Variants in SLC4A10 observed in about 807,000 individuals in gnomAD.
The protein encoded by SLC4A10 is sodium-driven chloride bicarbonate exchanger.
A neutral mutation model predicts 137.7 loss-of-function variants in SLC4A10; 42 were observed. The observed-to-expected ratio is 0.30, with a 90% CI of 0.24 to 0.39. SLC4A10 has a LOEUF of 0.39. SLC4A10 is among the 10% of genes least tolerant of loss of function. The pLI, the probability that SLC4A10 is intolerant of heterozygous loss-of-function variation, is 1.00. For synonymous variants in SLC4A10, 474 were observed against 464.1 expected (o/e 1.02, Z -0.27); for missense variants, 925 against 1,355.0 (o/e 0.68, Z 4.98).
chr2:161,956,658 T>C (rs1396813511), intron 19 of SLC4A10, among the ~76,000 whole-genome samples: 1 of 152,072 alleles, frequency 6.6e-6, no homozygotes, highest in Admixed American at 6.5e-5. Context: ...ACAGAGGAAA[T>C]AGAAAACAAA....
At chr2:161,776,246 G>A (rs1011918789) in intron 2 of SLC4A10, among the ~76,000 whole-genome samples, 12 of 151,762 alleles carry the variant, frequency 7.9e-5, no homozygotes, top group African/African-American at 2.9e-4. Flanking sequence ...ATTTTCATCA[G>A]TAATGCAAGT....
chr2:161,839,391 A>AT (rs1323466139), intron 3 of SLC4A10, among the ~76,000 whole-genome samples: 1 of 152,136 alleles, frequency 6.6e-6, no homozygotes, highest in Non-Finnish European at 1.5e-5. Flanking sequence ...GTATAAATGA[A>AT]TTTTATCATG....
intron 3 of SLC4A10, among the ~76,000 whole-genome samples, chr2:161,825,500 T>C (rs2057956012): frequency 6.6e-6 from 1 of 152,210 alleles, no homozygotes; most frequent in African/African-American, 2.4e-5. Flanking sequence ...CCCTAGGCAT[T>C]CAGTTATAAT....
At chr2:161,781,996 G>A (rs1225227887) in intron 2 of SLC4A10, among the ~76,000 whole-genome samples, 1 of 152,056 alleles carries the variant, frequency 6.6e-6, no homozygotes, top group Admixed American at 6.6e-5. Flanking sequence ...CAAAGGACTG[G>A]CTTCTGTCTT....
chr2:161,896,106 G>A (rs529344257), intron 11 of SLC4A10, among the ~76,000 whole-genome samples: 1 of 152,194 alleles, frequency 6.6e-6, no homozygotes, highest in South Asian at 2.1e-4. Context: ...TGTAAGGAAG[G>A]GATCCACTTT....
At chr2:161,823,386 T>C (rs2057776936) in intron 3 of SLC4A10, among the ~76,000 whole-genome samples, 1 of 152,228 alleles carries the variant, frequency 6.6e-6, no homozygotes, top group South Asian at 2.1e-4. Context: ...TTAAAACACC[T>C]TGTGATGCTA....
intron 1 of SLC4A10, among the ~76,000 whole-genome samples, chr2:161,663,349 T>C (rs191629923): frequency 2.4e-4 from 37 of 152,094 alleles, no homozygotes; most frequent in Admixed American, 1.8e-3. Context: ...CTCTTTCATC[T>C]TTTTCTTTGA....
chr2:161,806,009 A>G (rs1404937675), intron 3 of SLC4A10, among the ~76,000 whole-genome samples: 1 of 152,110 alleles, frequency 6.6e-6, no homozygotes, highest in South Asian at 2.1e-4. Context: ...ATTTCCATAC[A>G]TCCTCTGAAA....
At position 161,846,068 on chromosome 2, in the gene SLC4A10, C is replaced by A. The variant is rs566000589; in HGVS notation, c.416+6141C>A. Reference sequence around the variant, plus strand: ...GCTACAGACAGAAAGTATTTGTAAACCAGATATTCAACAAAAGTGTTATAT... The same window carrying A: ...GCTACAGACAGAAAGTATTTGTAAAACAGATATTCAACAAAAGTGTTATAT... On this transcript the variant is annotated intron_variant, in intron 4 of 26. Transcript: ENST00000446997. 1.2e-4 allele frequency among the ~76,000 whole-genome samples: 19 copies of A among 152,074 alleles called. No individual in the cohort carries two copies. The South Asian group carries it at 2.9e-3, about 23-fold the overall frequency.
At chr2:161,661,121 G>C (rs537267906) in intron 1 of SLC4A10, among the ~76,000 whole-genome samples, 1 of 152,074 alleles carries the variant, frequency 6.6e-6, no homozygotes, top group East Asian at 1.9e-4. Context: ...GTTCATTAGG[G>C]TCTTCCAATT....
intron 4 of SLC4A10, among the ~76,000 whole-genome samples, chr2:161,846,204 A>C (rs1229338655): frequency 6.6e-6 from 1 of 152,226 alleles, no homozygotes; most frequent in Non-Finnish European, 1.5e-5. Flanking sequence ...ACATATGGCG[A>C]ATAGCACATG....
chr2:161,978,803 G>A (rs1699802166), intron 26 of SLC4A10, among the ~76,000 whole-genome samples: 1 of 152,082 alleles, frequency 6.6e-6, no homozygotes, highest in South Asian at 2.1e-4. Flanking sequence ...AAGACTTTTG[G>A]TTGGTATTTT....
intron 1 of SLC4A10, among the ~76,000 whole-genome samples, chr2:161,660,653 TTTCTTTCC>T (rs771943874): frequency 7.0e-5 from 10 of 141,954 alleles, no homozygotes; most frequent in Non-Finnish European, 1.2e-4. Flanking sequence ...TCTTTCTTTC[TTTCTTTCC>T]TTTTTTTTTT....
At chr2:161,764,155 C>G (rs796519637) in intron 1 of SLC4A10, among the ~76,000 whole-genome samples, 3 of 152,232 alleles carry the variant, frequency 2.0e-5, no homozygotes, top group African/African-American at 7.2e-5. Flanking sequence ...GCATCCATAC[C>G]ATGGAGTGTT....
Position 161,873,983 on chromosome 2 carries a change from C to T in SLC4A10, c.926C>T (p.Pro309Leu), listed in dbSNP as rs1352439192. 1.9e-6 allele frequency: 3 copies of T among 1,592,352 alleles called. No individual in the cohort carries two copies. The highest frequency in any genetic ancestry group is 1.7e-6 in the Non-Finnish European group (2 of 1,176,836). The change falls in exon 8 of 27, where the codon CCT becomes CTT. Residue 309 changes from proline (P) to leucine (L), a missense_variant. By Grantham distance (98) the Pro-to-Leu change is moderately conservative (BLOSUM62 -3). Transcript: ENST00000446997. ...ATGAAACAAAGGCATGAAAAAGGACCTCCACACCAGCAAGAGAGAGAGGTG... is the reference window on the plus strand; with the variant it reads ...ATGAAACAAAGGCATGAAAAAGGACTTCCACACCAGCAAGAGAGAGAGGTG... ...CGMKQRHEKG[P>L]PHQQEREVDL...
At chr2:161,827,711 A>G (rs2058109816) in intron 3 of SLC4A10, among the ~76,000 whole-genome samples, 1 of 150,372 alleles carries the variant, frequency 6.7e-6, no homozygotes, top group Non-Finnish European at 1.5e-5. Flanking sequence ...GACTACAGGC[A>G]CGCCCGCACC....
chr2:161,637,881 CTAGT>C (rs1441992003), intron 1 of SLC4A10, among the ~76,000 whole-genome samples: 2 of 152,088 alleles, frequency 1.3e-5, no homozygotes, highest in Non-Finnish European at 2.9e-5. Flanking sequence ...TTTTCATATG[CTAGT>C]TAGTCACTTG....
chr2:161,752,604 T>C (rs2049106316), intron 1 of SLC4A10, among the ~76,000 whole-genome samples: 1 of 152,040 alleles, frequency 6.6e-6, no homozygotes, highest in Non-Finnish European at 1.5e-5. Flanking sequence ...AACAAATATG[T>C]TATAAACACA....
At position 161,959,527 on chromosome 2, in the gene SLC4A10, T is replaced by G. The variant is rs1696256987; in HGVS notation, c.2862+972T>G. On this transcript the variant is annotated intron_variant, in intron 21 of 26. Transcript: ENST00000446997. ...ACCTGTTGGTAGGATGACTCAGTCT[T>G]TTGCCACAGTGGCCTCTCCATGGAA... is the stretch of plus-strand genomic sequence containing the variant. Among the ~76,000 whole-genome samples, 5 of 152,266 alleles carry G rather than the reference T, an allele frequency of 3.3e-5. No homozygotes were observed. The South Asian group carries it at 1.0e-3, about 32-fold the overall frequency.
Sources: gnomAD v4.1 joint callset for allele counts (sites outside exome capture counted in the v4.1 genomes callset) on GRCh38, gnomAD v4.1.1 for gene constraint, MANE v1.5 for transcripts, NCBI Gene and HGNC (gene_info 2026-07-23, HGNC 2026-07-21) for gene names.